Variants in DPYD observed in about 807,000 individuals in gnomAD.
DPYD encodes the protein dihydropyrimidine dehydrogenase [NADP(+)].
In DPYD, 109 loss-of-function variants were observed where a neutral mutation model predicts 116.2. The observed-to-expected ratio is 0.94, with a 90% CI of 0.80 to 1.10. The LOEUF (loss-of-function observed/expected upper bound fraction) is 1.10. Ranked by LOEUF, DPYD falls within the 50% of genes least tolerant of loss-of-function variation. DPYD has a pLI of 0.00. For synonymous variants in DPYD, 440 were observed against 432.0 expected, an observed-to-expected ratio of 1.02 and a Z score of -0.23; for missense variants, 1,302 against 1,254.5, an observed-to-expected ratio of 1.04 and a Z score of -0.57.
chr1:97,507,562 C>A (rs1465816318), intron 13 of DPYD, among the ~76,000 whole-genome samples: 1 of 151,832 alleles, frequency 6.6e-6, no homozygotes, highest in Non-Finnish European at 1.5e-5. Context: ...AACAAGGTTT[C>A]CAAAATGAGT....
chr1:97,602,543 C>A (rs1201455178), intron 8 of DPYD, among the ~76,000 whole-genome samples: 1 of 151,942 alleles, frequency 6.6e-6, no homozygotes, highest in Non-Finnish European at 1.5e-5. Flanking sequence ...AATACAAACA[C>A]AATGAGAATA....
At chr1:97,715,643 T>A (rs1662573078) in intron 5 of DPYD, among the ~76,000 whole-genome samples, 1 of 152,138 alleles carries the variant, frequency 6.6e-6, no homozygotes, top group Admixed American at 6.6e-5. Context: ...GTCCTGATCA[T>A]TATCTAACCT....
intron 6 of DPYD, among the ~76,000 whole-genome samples, chr1:97,695,353 T>C (rs752813515): frequency 1.3e-5 from 2 of 149,556 alleles, no homozygotes; most frequent in Non-Finnish European, 3.0e-5. Flanking sequence ...GAGGATAGCA[T>C]GTTAAAAAAA....
intron 3 of DPYD, among the ~76,000 whole-genome samples, chr1:97,824,926 C>T (rs1486376519): frequency 2.0e-5 from 3 of 152,236 alleles, no homozygotes; most frequent in African/African-American, 7.2e-5. Flanking sequence ...CACATCAACT[C>T]TCAGTCTTTT....
At chr1:97,512,943 A>G (rs994245466) in intron 13 of DPYD, among the ~76,000 whole-genome samples, 7 of 151,842 alleles carry the variant, frequency 4.6e-5, no homozygotes, top group Admixed American at 4.6e-4. Flanking sequence ...AATAAAAGCC[A>G]TTTTTGATGT....
chr1:97,645,836 A>C (rs1055468581), intron 8 of DPYD, among the ~76,000 whole-genome samples: 2 of 152,130 alleles, frequency 1.3e-5, no homozygotes, highest in Non-Finnish European at 2.9e-5. Flanking sequence ...TCCAAAAAAC[A>C]ATCTTTCCTG....
intron 19 of DPYD, among the ~76,000 whole-genome samples, chr1:97,199,909 G>A (rs1288413123): frequency 1.3e-5 from 2 of 152,114 alleles, no homozygotes; most frequent in Non-Finnish European, 2.9e-5. Context: ...AATTTCAAGT[G>A]CCTGGCAGAG....
At chr1:97,149,355 G>A (rs946239160) in intron 20 of DPYD, among the ~76,000 whole-genome samples, 2 of 152,044 alleles carry the variant, frequency 1.3e-5, no homozygotes, top group Non-Finnish European at 2.9e-5. Context: ...GGGTTCAAGT[G>A]GATTCTCCTG....
At chr1:97,340,820 T>C (rs567795271) in intron 16 of DPYD, among the ~76,000 whole-genome samples, 2 of 152,322 alleles carry the variant, frequency 1.3e-5, no homozygotes, top group South Asian at 2.1e-4. Flanking sequence ...TAGATAATTG[T>C]GAAATTATGT....
chr1:97,630,715 C>G (rs952755181), intron 8 of DPYD, among the ~76,000 whole-genome samples: 3 of 152,064 alleles, frequency 2.0e-5, no homozygotes, highest in Admixed American at 6.6e-5. Flanking sequence ...TTCTTTATCT[C>G]CAGTAAGAAA....
chr1:97,376,625 A>T (rs112081749), intron 15 of DPYD, among the ~76,000 whole-genome samples: 2 of 152,256 alleles, frequency 1.3e-5, no homozygotes, highest in African/African-American at 4.8e-5. Context: ...CTAACCATTC[A>T]AAAAGCCTTA....
chr1:97,233,289 G>C (rs951031588), intron 19 of DPYD, among the ~76,000 whole-genome samples: 13 of 152,146 alleles, frequency 8.5e-5, no homozygotes, highest in African/African-American at 3.1e-4. Flanking sequence ...GAGGAAAGGA[G>C]AGTGGCCTTA....
chr1:97,459,229 G>T (rs1676880923), intron 13 of DPYD, among the ~76,000 whole-genome samples: 1 of 152,042 alleles, frequency 6.6e-6, no homozygotes, highest in Admixed American at 6.5e-5. Flanking sequence ...TGATATATCT[G>T]GGCAAGTTAC....
intron 3 of DPYD, among the ~76,000 whole-genome samples, chr1:97,773,932 C>T (rs1244796843): frequency 6.6e-6 from 1 of 152,184 alleles, no homozygotes; most frequent in African/African-American, 2.4e-5. Flanking sequence ...CCCCTCTGTC[C>T]TTGTGATAAG....
chr1:97,525,893 C>T lies in DPYD; in HGVS notation c.1525-9952G>A, dbSNP rs1476233000. 7.2e-4 allele frequency among the ~76,000 whole-genome samples: 73 copies of T among 101,624 alleles called. No homozygotes were observed. The East Asian group carries it at 8.1e-3, about 11-fold the overall frequency. The allele number at this position is 101,624 out of a possible 152,430, so 66.7% of individuals were successfully genotyped here. ...GTGCGTGTGTGTGTGTGTGCGCGCG[C>T]GCGTGTGTGTGTGTGTGTGTTTTAG... is the stretch of plus-strand genomic sequence containing the variant. On this transcript the variant is annotated intron_variant, in intron 12 of 22. Coordinates refer to ENST00000370192, the MANE Select transcript of DPYD (RefSeq NM_000110.4).
chr1:97,351,774 A>G (rs906749079), intron 16 of DPYD, among the ~76,000 whole-genome samples: 6 of 152,166 alleles, frequency 3.9e-5, no homozygotes, highest in African/African-American at 1.2e-4. Context: ...AGGATTAGAA[A>G]AGAGAATGTT....
intron 13 of DPYD, among the ~76,000 whole-genome samples, chr1:97,471,514 G>C (rs1185713591): frequency 2.6e-5 from 4 of 151,456 alleles, no homozygotes; most frequent in Admixed American, 1.3e-4. Flanking sequence ...AAACACCATG[G>C]AGCTTATATT....
intron 20 of DPYD, among the ~76,000 whole-genome samples, chr1:97,173,202 G>A (rs530528689): frequency 7.0e-6 from 1 of 142,266 alleles, no homozygotes; most frequent in South Asian, 2.3e-4. Flanking sequence ...GTATATATGT[G>A]TACATATATA....
In DPYD at chr1:97,459,257, T is replaced by C. The variant is rs1257317756; in HGVS notation, c.1741-9034A>G. Among the ~76,000 whole-genome samples, 9 of 152,184 alleles carry C rather than the reference T, an allele frequency of 5.9e-5. No individual in the cohort carries two copies. The East Asian group carries it at 1.7e-3, about 29-fold the overall frequency. ...CAAGTTACCTGAAAGCAAACAAATG[T>C]GATGCAAAACATGATCTAGAGGTTA... On this transcript the variant is annotated intron_variant, in intron 13 of 22. Coordinates refer to ENST00000370192, the MANE Select transcript of DPYD (RefSeq NM_000110.4).
Sources: allele counts gnomAD v4.1 joint callset (sites outside exome capture counted in the v4.1 genomes callset), GRCh38; gene constraint gnomAD v4.1.1; transcripts MANE v1.5; gene names NCBI Gene and HGNC (gene_info 2026-07-23, HGNC 2026-07-21).